ASMTL: variants seen among roughly 807,000 people sequenced by gnomAD.
The protein encoded by ASMTL is probable bifunctional dTTP/UTP pyrophosphatase/methyltransferase protein.
A neutral mutation model predicts 60.3 loss-of-function variants in ASMTL; 57 were observed. The observed-to-expected ratio is 0.95, with a 90% CI of 0.76 to 1.18. ASMTL has a LOEUF of 1.18. ASMTL is among the 50% of genes most tolerant of loss of function. The probability of loss-of-function intolerance (pLI) is 0.00; values close to 1 mark genes in which losing one functional copy is unlikely to be tolerated. For missense variants in ASMTL, 981 were observed against 852.6 expected (o/e 1.15, Z -1.88); for synonymous variants, 419 against 373.0 (o/e 1.12, Z -1.42).
rs753076258 is a variant in ASMTL, at chrX:1,403,317, G to C, written c.1818C>G (p.His606Gln). The C allele has an allele frequency of 1.9e-6, 3 of 1,613,256 alleles. No homozygotes were observed. Among genetic ancestry groups the C allele is most frequent in the Non-Finnish European group, 2.5e-6 (3 of 1,179,858 alleles). Residue 606 changes from histidine to glutamine, a missense_variant, in exon 13 of 13, where the codon CAC (histidine) becomes CAG (glutamine). By Grantham distance (24) the His-to-Gln change is conservative. Coordinates refer to ENST00000381317, the MANE Select transcript of ASMTL (RefSeq NM_004192.4). ...AGATGGCATCCAGGACACCCCCCAA[G>C]TGCACCACCTGCACCTGGTGGAAGC... ...LHGFHQVQVV[H>Q]LGGVLDAILA...
intron 2 of ASMTL, among the ~76,000 whole-genome samples, chrX:1,440,070 C>G (rs1393501424): frequency 2.7e-5 from 4 of 150,366 alleles, no homozygotes; most frequent in Non-Finnish European, 4.4e-5. Flanking sequence ...AGCCTTACCT[C>G]TAATGTATTT....
At chrX:1,413,317 G>A (rs1402668443) in intron 11 of ASMTL, among the ~76,000 whole-genome samples, 191 of 152,012 alleles carry the variant, frequency 1.3e-3, no homozygotes, top group Non-Finnish European at 2.2e-3. Context: ...AGCCGAGATC[G>A]CGCCATCGCA....
intron 1 of ASMTL, among the ~76,000 whole-genome samples, chrX:1,449,211 A>G (rs140028458): frequency 0.013 from 2,003 of 152,174 alleles, 37 homozygotes; most frequent in African/African-American, 0.045. Context: ...GTTCTCCAAA[A>G]TAAACCCGTC....
In ASMTL at chrX:1,442,169, G is replaced by C; in HGVS notation, c.225+17C>G. 6.2e-7 allele frequency: 1 copy of C among 1,612,580 alleles called. No individual in the cohort carries two copies. Among genetic ancestry groups the C allele is most frequent in the Non-Finnish European group, 8.5e-7 (1 of 1,179,508 alleles). On this transcript the variant is annotated intron_variant, in intron 2 of 12. Coordinates refer to ENST00000381317, the MANE Select transcript of ASMTL (RefSeq NM_004192.4). ...CAAAGGAATTTTCATAAGGGCCGAAGGGCAGGGGCCCCTTGCCTGGTACAG... is the reference window on the plus strand; with the variant it reads ...CAAAGGAATTTTCATAAGGGCCGAACGGCAGGGGCCCCTTGCCTGGTACAG...
At chrX:1,420,554 A>G (rs191395993) in intron 9 of ASMTL, among the ~76,000 whole-genome samples, 372 of 152,314 alleles carry the variant, frequency 2.4e-3, no homozygotes, top group Middle Eastern at 3.4e-3. Context: ...AGCCCACAGC[A>G]GACTCCCCAC....
intron 9 of ASMTL, 130 bp downstream of exon 9, chrX:1,421,528 G>T: frequency 9.7e-7 from 1 of 1,029,522 alleles, no homozygotes; most frequent in Non-Finnish European, 1.4e-6. Context: ...TCTCCAGGCA[G>T]AACGAGCCAA....
At chrX:1,413,025 C>T (rs2090095382) in intron 11 of ASMTL, 171 bp from the exon 12 acceptor site, 2 of 709,540 alleles carry the variant, frequency 2.8e-6, no homozygotes, top group Non-Finnish European at 4.9e-6. Flanking sequence ...AACAGAGCTC[C>T]ATGAGGAGCT....
intron 9 of ASMTL, among the ~76,000 whole-genome samples, chrX:1,419,856 A>T (rs1356565064): frequency 6.6e-6 from 1 of 152,144 alleles, no homozygotes; most frequent in Non-Finnish European, 1.5e-5. Flanking sequence ...CTGGCTGCTC[A>T]CGCCAGCTCA....
At chrX:1,406,178 G>T (rs1390898830) in intron 12 of ASMTL, among the ~76,000 whole-genome samples, 2 of 148,016 alleles carry the variant, frequency 1.4e-5, no homozygotes, top group Non-Finnish European at 3.0e-5. Flanking sequence ...GATGGTAGAT[G>T]ATGGGTAGAT....
intron 11 of ASMTL, among the ~76,000 whole-genome samples, chrX:1,416,347 A>ACCAAC (rs1569532071): frequency 0.022 from 2,943 of 132,680 alleles, 659 homozygotes; most frequent in Non-Finnish European, 0.031. Context: ...ATACAGATAC[A>ACCAAC]GTGACAGGCA....
chrX:1,419,957 C>T lies in ASMTL; in HGVS notation c.1246-843G>A, dbSNP rs181164458. 2.8e-4 allele frequency among the ~76,000 whole-genome samples: 43 copies of T among 152,096 alleles called. No individual in the cohort carries two copies. The East Asian group carries it at 6.6e-3, about 23-fold the overall frequency. ...GTCTCTGTCTGTCTGTCTCTGTCTC[C>T]GTCTGTGTGTCTCTGTCTTCCTCTT... On this transcript the variant is annotated intron_variant, in intron 9 of 12. Coordinates refer to ENST00000381317, the MANE Select transcript of ASMTL (RefSeq NM_004192.4).
intron 12 of ASMTL, among the ~76,000 whole-genome samples, chrX:1,405,205 G>GGT (rs2089767583): frequency 1.6e-5 from 2 of 123,578 alleles, no homozygotes; most frequent in African/African-American, 2.9e-5. Context: ...TGGGTACGTA[G>GGT]ATAGATGAAT....
chrX:1,416,625 A>G (rs1293250819), intron 11 of ASMTL, among the ~76,000 whole-genome samples: 1 of 152,004 alleles, frequency 6.6e-6, no homozygotes, highest in Non-Finnish European at 1.5e-5. Flanking sequence ...ACAGAAACAC[A>G]CATACCCTCA....
Position 1,413,070 on chromosome X carries a change from G to A in ASMTL, c.1523-216C>T, listed in dbSNP as rs1435061028. 1.5e-5 allele frequency: 9 copies of A among 583,582 alleles called. No homozygotes were observed. In the East Asian group the frequency reaches 2.0e-4, roughly 13 times the overall value. 36.2% of individuals were successfully genotyped at this position (583,582 alleles called of 1,614,324 possible). A position where few individuals can be genotyped will look rare whatever the true frequency, so the allele number is the denominator to read the frequency against. ...TGTCACGCCCGTGCGGTTTGACTCG[G>A]GCTGAGAAAACGCTGGGGACAGTGG... On this transcript the variant is annotated intron_variant, in intron 11 of 12. Transcript: ENST00000381317.
At chrX:1,433,549 G>A (rs1306035925) in intron 5 of ASMTL, among the ~76,000 whole-genome samples, 1 of 151,156 alleles carries the variant, frequency 6.6e-6, no homozygotes, top group African/African-American at 2.4e-5. Flanking sequence ...GGGCGTGGTG[G>A]CGGGCCCGTC....
Position 1,451,432 on chromosome X carries a change from T to G in ASMTL, c.93+1316A>C, listed in dbSNP as rs190972433. 6.5e-3 allele frequency among the ~76,000 whole-genome samples: 851 copies of G among 131,518 alleles called. 5 individuals are homozygous for G. Among genetic ancestry groups the G allele is most frequent in the African/African-American group, 0.023 (772 of 34,008 alleles). 86.3% of individuals were successfully genotyped at this position (131,518 alleles called of 152,430 possible). ...CTCTCCCCAACCCCATGCCTAGGGG[T>G]TCCAGGTCACTCTCCCCTCCCTCAT... is the stretch of plus-strand genomic sequence containing the variant. On this transcript the variant is annotated intron_variant, in intron 1 of 12. Transcript: ENST00000381317.
At chrX:1,413,404 G>C (rs1234391563) in intron 11 of ASMTL, among the ~76,000 whole-genome samples, 1 of 152,212 alleles carries the variant, frequency 6.6e-6, no homozygotes, top group Non-Finnish European at 1.5e-5. Flanking sequence ...GAGGCAGGCA[G>C]AGTCGGCGCA....
chrX:1,432,142 C>G (rs753995381), intron 6 of ASMTL, 127 bp downstream of exon 6: 1 of 749,992 alleles, frequency 1.3e-6, no homozygotes, highest in Admixed American at 2.4e-5. Context: ...GGGCGGCTCT[C>G]CCTGTGCCAC....
intron 9 of ASMTL, among the ~76,000 whole-genome samples, chrX:1,420,375 A>ATC (rs1368165980): frequency 6.9e-6 from 1 of 144,422 alleles, no homozygotes; most frequent in African/African-American, 2.6e-5. Context: ...CTGTCTGCCT[A>ATC]TCTCTCTCTC....
Sources: gnomAD v4.1 joint callset for allele counts (sites outside exome capture counted in the v4.1 genomes callset) on GRCh38, gnomAD v4.1.1 for gene constraint, MANE v1.5 for transcripts, NCBI Gene and HGNC (gene_info 2026-07-23, HGNC 2026-07-21) for gene names.